Variants in CNOT1 observed in about 807,000 individuals in gnomAD.
The protein encoded by CNOT1 is CCR4-NOT transcription complex subunit 1.
CNOT1 carries 15 observed loss-of-function variants against 273.8 expected under a neutral mutation model. The ratio of observed to expected loss-of-function variants is 0.05; its 90% CI spans 0.04 to 0.08. The LOEUF (loss-of-function observed/expected upper bound fraction) is 0.08, where lower values mean the gene tolerates loss of function less well. Among genes scored for constraint, CNOT1 ranks in the 10% least tolerant of loss-of-function variants. The pLI, the probability that CNOT1 is intolerant of heterozygous loss-of-function variation, is 1.00. For synonymous variants in CNOT1, 1,022 were observed against 1,005.5 expected (o/e 1.02, Z -0.31); for missense variants, 1,644 against 2,912.2 (o/e 0.56, Z 10.02).
chr16:58,576,130 A>G (rs1203005013), intron 14 of CNOT1, among the ~76,000 whole-genome samples: 1 of 148,522 alleles, frequency 6.7e-6, no homozygotes, highest in Non-Finnish European at 1.5e-5. Flanking sequence ...TTTTTTTTTG[A>G]GATGGAGTCT....
rs1331889520 is a variant in CNOT1, at chr16:58,580,768, G to A, written c.1216-8C>T. The A allele has an allele frequency of 1.2e-6, 2 of 1,603,256 alleles. No homozygotes were observed. The highest frequency in any genetic ancestry group is 8.5e-7 in the Non-Finnish European group (1 of 1,175,106). On this transcript the variant is annotated splice_region_variant and splice_polypyrimidine_tract_variant and intron_variant, in intron 11 of 48. Transcript: ENST00000317147. ...ATGTTGAATGAAGGAGAGCTGCAAT[G>A]AAAGAAAATGCTTACCACCATAAAT... is the stretch of plus-strand genomic sequence containing the variant.
chr16:58,532,363 C>T lies in CNOT1; in HGVS notation c.5928G>A (p.Gln1976=), dbSNP rs1424921021. 1.2e-6 allele frequency: 2 copies of T among 1,614,016 alleles called. No homozygotes were observed. Among genetic ancestry groups the T allele is most frequent in the Non-Finnish European group, 8.5e-7 (1 of 1,180,020 alleles). ...ATTCACTCTGACGAACATCATGATC[C>T]TGAAGGAGAACTCCCACTACTATAC... ...VLGIVVGVLL[Q]DHDVRQSEFQ... The change falls in exon 41 of 49, where the codon CAG becomes CAA. Residue 1976 remains glutamine (Q), a synonymous_variant. Coordinates refer to ENST00000317147, the MANE Select transcript of CNOT1 (RefSeq NM_016284.5).
intron 1 of CNOT1, among the ~76,000 whole-genome samples, chr16:58,619,520 C>T (rs2043227155): frequency 6.6e-6 from 1 of 151,954 alleles, no homozygotes; most frequent in Non-Finnish European, 1.5e-5. Flanking sequence ...CTCCGCCTCC[C>T]AGGTTCAAGC....
rs112226008 is a variant in CNOT1, at chr16:58,578,758, T to C, written c.1525A>G (p.Ile509Val). The C allele has an allele frequency of 8.7e-5, 140 of 1,614,006 alleles. No homozygotes were observed. Among genetic ancestry groups the C allele is most frequent in the Non-Finnish European group, 1.0e-4 (119 of 1,180,014 alleles). ...RHELISTLMPIFLGNHPNSAI... is the reference protein window; with the variant it reads ...RHELISTLMPVFLGNHPNSAI... ...GAGTTAGGATGGTTTCCAAGGAAAA[T>C]TGGCATCAGAGTGGAGATAAGTTCA... The change falls in exon 13 of 49, where the codon ATT becomes GTT. Residue 509 changes from isoleucine to valine, a missense_variant. By Grantham distance (29) the Ile-to-Val change is conservative. Transcript: ENST00000317147.
chr16:58,582,832 T>C lies in CNOT1; in HGVS notation c.1005A>G (p.Thr335=). Residue 335 remains threonine (T), a synonymous_variant, in exon 10 of 49, where the codon ACA becomes ACG. Coordinates refer to ENST00000317147, the MANE Select transcript of CNOT1 (RefSeq NM_016284.5). ...CGTCAATCAAGACTTCTACATTCCA[T>C]GTGTGTGCCTGTGCTCCATCACTTT... The part of the protein sequence containing the change: ...KDKSDGAQAH[T]WNVEVLIDVL... 6.4e-7 allele frequency: 1 copy of C among 1,562,002 alleles called. No individual in the cohort carries two copies. Among genetic ancestry groups the C allele is most frequent in the Non-Finnish European group, 8.8e-7 (1 of 1,132,424 alleles).
At position 58,582,705 on chromosome 16, in the gene CNOT1, C is replaced by T. The variant is rs112467700; in HGVS notation, c.1044+88G>A. Reference sequence around the variant, plus strand: ...GACACTTTATTACTTTTTGAGTTAACGAAGGTGGAAAATTCTTAAAAATTT... The same window carrying T: ...GACACTTTATTACTTTTTGAGTTAATGAAGGTGGAAAATTCTTAAAAATTT... On this transcript the variant is annotated intron_variant, in intron 10 of 48. Transcript: ENST00000317147. The T allele has an allele frequency of 1.6e-4, 124 of 799,264 alleles. 4 individuals carry two copies. In the South Asian group the frequency reaches 1.7e-3, roughly 11 times the overall value. 49.5% of individuals were successfully genotyped at this position (799,264 alleles called of 1,614,324 possible).
intron 43 of CNOT1, among the ~76,000 whole-genome samples, chr16:58,528,941 T>TA (rs34692465): frequency 1.3e-3 from 174 of 137,196 alleles, no homozygotes; most frequent in Middle Eastern, 3.8e-3. Context: ...CTTCAGAAGC[T>TA]AAAAAAAAAA....
intron 1 of CNOT1, among the ~76,000 whole-genome samples, chr16:58,605,276 GT>G (rs2042633619): frequency 6.6e-6 from 1 of 152,108 alleles, no homozygotes; most frequent in Admixed American, 6.5e-5. Flanking sequence ...GCTGAGGCGG[GT>G]GGATCACCTG....
intron 1 of CNOT1, among the ~76,000 whole-genome samples, chr16:58,603,408 AGTGTGTGTGTGTGTGTGTGTGT>A (rs200088613): frequency 1.0e-3 from 97 of 96,754 alleles, no homozygotes; most frequent in African/African-American, 2.8e-3. Flanking sequence ...ACAATTTAAA[AGTGTGTGTGTGTGTGTGTGTGT>A]GTGTGTGTGT....
intron 3 of CNOT1, 102 bp from the exon 4 acceptor site, chr16:58,587,980 C>A: frequency 8.8e-7 from 1 of 1,139,210 alleles, no homozygotes; most frequent in African/African-American, 1.6e-5. Context: ...ACACTATATA[C>A]TGTTATATAT....
At chr16:58,611,607 G>C (rs908872743) in intron 1 of CNOT1, among the ~76,000 whole-genome samples, 2 of 152,080 alleles carry the variant, frequency 1.3e-5, no homozygotes, top group African/African-American at 4.8e-5. Context: ...GATCACCTAA[G>C]GTCAGAAGTT....
chr16:58,608,649 A>AC (rs1567442154), intron 1 of CNOT1, among the ~76,000 whole-genome samples: 1 of 82,080 alleles, frequency 1.2e-5, no homozygotes. Flanking sequence ...ATTATTATAC[A>AC]AAAAAGATAC....
intron 2 of CNOT1, among the ~76,000 whole-genome samples, chr16:58,591,148 C>A (rs2042038341): frequency 6.6e-6 from 1 of 152,054 alleles, no homozygotes. Flanking sequence ...TGCAAAAGCA[C>A]AGAGACAGAA....
chr16:58,544,141 T>C (rs1270269331), intron 30 of CNOT1, among the ~76,000 whole-genome samples: 5 of 152,210 alleles, frequency 3.3e-5, no homozygotes, highest in Non-Finnish European at 5.9e-5. Context: ...CCAAGTTTAA[T>C]GGACAAACTG....
intron 12 of CNOT1, among the ~76,000 whole-genome samples, chr16:58,579,819 T>C (rs571898296): frequency 1.3e-5 from 2 of 151,742 alleles, no homozygotes; most frequent in South Asian, 4.2e-4. Flanking sequence ...CGGGACAGAG[T>C]TCCAAGAGAA....
chr16:58,627,775 C>G lies in CNOT1; in HGVS notation c.-175+1953G>C, dbSNP rs1011550420. On this transcript the variant is annotated intron_variant, in intron 1 of 48. Coordinates refer to ENST00000317147, the MANE Select transcript of CNOT1 (RefSeq NM_016284.5). ...ACCTTAAAACTTCTAAGATTACAAT[C>G]TTAGGTAAGAAAAGGAAATATTTTC... Among the ~76,000 whole-genome samples, 105 of 152,168 alleles carry G rather than the reference C, an allele frequency of 6.9e-4. 1 individual carries two copies. Among genetic ancestry groups the G allele is most frequent in the Non-Finnish European group, 5.9e-5 (4 of 68,036 alleles).
Position 58,537,950 on chromosome 16 carries a change from G to A in CNOT1, c.5355C>T (p.Phe1785=), listed in dbSNP as rs2039972920. ...SVAHVTEADL[F]HTIETLMRIN... is the part of the protein sequence containing the mutation. ...TCCTCATGAGGGTTTCAATGGTGTGGAACAGATCTGCCTCAGTAACATGAG... is the reference window on the plus strand; with the variant it reads ...TCCTCATGAGGGTTTCAATGGTGTGAAACAGATCTGCCTCAGTAACATGAG... Residue 1785 remains phenylalanine (F), a synonymous_variant, in exon 38 of 49, where the codon TTC becomes TTT. Coordinates refer to ENST00000317147, the MANE Select transcript of CNOT1 (RefSeq NM_016284.5). 2.5e-6 allele frequency: 4 copies of A among 1,614,116 alleles called. No homozygotes were observed. Among genetic ancestry groups the A allele is most frequent in the Non-Finnish European group, 3.4e-6 (4 of 1,180,024 alleles).
intron 1 of CNOT1, chr16:58,623,281 C>T (rs1209288313): frequency 1.3e-5 from 2 of 152,052 alleles, no homozygotes; most frequent in African/African-American, 4.8e-5. Context: ...GTGAGATATA[C>T]ATTTGGTCTT....
chr16:58,618,982 T>G (rs1030383376), intron 1 of CNOT1, among the ~76,000 whole-genome samples: 1 of 152,080 alleles, frequency 6.6e-6, no homozygotes, highest in African/African-American at 2.4e-5. Context: ...TTTTTGAGGC[T>G]GGGAGTGCAA....
Sources: gnomAD v4.1 joint callset for allele counts (sites outside exome capture counted in the v4.1 genomes callset) on GRCh38, gnomAD v4.1.1 for gene constraint, MANE v1.5 for transcripts, NCBI Gene and HGNC (gene_info 2026-07-23, HGNC 2026-07-21) for gene names.